Variants in TAF2 observed in about 807,000 individuals in gnomAD.
The protein encoded by TAF2 is transcription initiation factor TFIID subunit 2.
A neutral mutation model predicts 138.5 loss-of-function variants in TAF2; 61 were observed. That is an observed-to-expected ratio of 0.44 (90% CI 0.36 to 0.54). TAF2 has a LOEUF of 0.54. TAF2 is among the 20% of genes least tolerant of loss of function. TAF2 has a pLI of 0.00. For missense variants in TAF2, 1,090 were observed against 1,427.9 expected, an observed-to-expected ratio of 0.76 and a Z score of 3.81; for synonymous variants, 475 against 469.9, an observed-to-expected ratio of 1.01 and a Z score of -0.14.
chr8:119,748,555 A>G (rs1379345724), intron 22 of TAF2, among the ~76,000 whole-genome samples: 3 of 152,120 alleles, frequency 2.0e-5, no homozygotes, highest in Non-Finnish European at 4.4e-5. Flanking sequence ...CAAGAGCTAC[A>G]GACAACCAAG....
intron 23 of TAF2, 33 bp downstream of exon 23, chr8:119,746,672 A>C: frequency 1.2e-6 from 2 of 1,601,310 alleles, no homozygotes; most frequent in Non-Finnish European, 1.7e-6. Flanking sequence ...TATATAATGA[A>C]ACTACGTCTT....
intron 15 of TAF2, 109 bp downstream of exon 15, chr8:119,785,092 T>C: frequency 1.2e-6 from 1 of 810,468 alleles, no homozygotes; most frequent in Non-Finnish European, 2.0e-6. Context: ...AAAATAATGT[T>C]AAAGCACTCA....
intron 22 of TAF2, among the ~76,000 whole-genome samples, chr8:119,747,945 G>A (rs914294412): frequency 5.9e-5 from 9 of 152,114 alleles, no homozygotes; most frequent in Admixed American, 2.6e-4. Context: ...GTAACATGGC[G>A]AAGCCCACTC....
At chr8:119,785,076 TA>T in intron 15 of TAF2, 124 bp downstream of exon 15, 3 of 716,652 alleles carry the variant, frequency 4.2e-6, no homozygotes, top group Non-Finnish European at 7.0e-6. Flanking sequence ...GGGTTTCTAT[TA>T]AATTAAAATA....
intron 17 of TAF2, 90 bp from the exon 18 acceptor site, chr8:119,778,219 C>T: frequency 2.6e-6 from 2 of 768,484 alleles, no homozygotes; most frequent in South Asian, 3.2e-5. Context: ...AAGGGTTACT[C>T]TTGGGCTGAC....
chr8:119,742,075 C>T (rs1819634121), intron 25 of TAF2, among the ~76,000 whole-genome samples: 1 of 152,126 alleles, frequency 6.6e-6, no homozygotes, highest in Non-Finnish European at 1.5e-5. Flanking sequence ...GAGTGAATCA[C>T]CAATTATATA....
In TAF2 at chr8:119,731,659, T is replaced by G. The variant is rs575688933; in HGVS notation, c.*265A>C. 16 of 478,060 alleles carry G rather than the reference T, an allele frequency of 3.3e-5. No homozygotes were observed. In the South Asian group the frequency reaches 3.4e-4, roughly 10 times the overall value. The allele number at this position is 478,060 out of a possible 1,614,324, so 29.6% of individuals were successfully genotyped here. A position where few individuals can be genotyped will look rare whatever the true frequency, so the allele number is the denominator to read the frequency against. ...CTGCCAGTGGATATGAGGGCTTTTA[T>G]GAAAGGGAGTTTGCTCTGTGTGTGT... On this transcript the variant is annotated 3_prime_UTR_variant, in exon 26 of 26. Coordinates refer to ENST00000378164, the MANE Select transcript of TAF2 (RefSeq NM_003184.4).
chr8:119,811,791 G>A (rs1343934112), intron 3 of TAF2, among the ~76,000 whole-genome samples: 1 of 129,636 alleles, frequency 7.7e-6, no homozygotes, highest in Non-Finnish European at 1.6e-5. Flanking sequence ...GGGCGAAAGA[G>A]TGAGACTCCG....
In TAF2 at chr8:119,804,037, A is replaced by G. The variant is rs1354082874; in HGVS notation, c.419-18T>C. The G allele has an allele frequency of 6.2e-7, 1 of 1,613,650 alleles. No homozygotes were observed. The highest frequency in any genetic ancestry group is 1.7e-5 in the Admixed American group (1 of 60,028). The stretch of plus-strand genomic sequence containing the variant: ...CTTTAACTCTGCAACAAATAAACAT[A>G]TACACACATTGATACATAAGTTACA... On this transcript the variant is annotated intron_variant, in intron 4 of 25. Coordinates refer to ENST00000378164, the MANE Select transcript of TAF2 (RefSeq NM_003184.4).
chr8:119,827,754 G>A (rs1280243338), intron 2 of TAF2, among the ~76,000 whole-genome samples: 2 of 112,628 alleles, frequency 1.8e-5, no homozygotes, highest in Admixed American at 9.1e-5. Flanking sequence ...TTTTTTTTTT[G>A]GAGCAGGGGA....
intron 9 of TAF2, among the ~76,000 whole-genome samples, chr8:119,794,126 A>G (rs776522702): frequency 6.6e-6 from 1 of 152,056 alleles, no homozygotes; most frequent in Non-Finnish European, 1.5e-5. Flanking sequence ...AGACGGGCGC[A>G]GTGGCTCACA....
At chr8:119,812,737 G>C (rs1825167042) in intron 3 of TAF2, among the ~76,000 whole-genome samples, 1 of 136,246 alleles carries the variant, frequency 7.3e-6, no homozygotes, top group Admixed American at 7.0e-5. Flanking sequence ...GTGTGTGTGT[G>C]TGTGTGTGTG....
In TAF2 at chr8:119,783,583, A is replaced by C. The variant is rs778027830; in HGVS notation, c.1910T>G (p.Leu637Trp). ...AGCTTGCTCAAATTCTACCTTCCTCAATACTGACATATCTGGGTCTATCCT... is the reference window on the plus strand; with the variant it reads ...AGCTTGCTCAAATTCTACCTTCCTCCATACTGACATATCTGGGTCTATCCT... ...WIRIDPDMSV[L>W]RKVEFEQADF... Residue 637 changes from leucine to tryptophan, a missense_variant, in exon 16 of 26, where the codon TTG becomes TGG. By Grantham distance (61) the Leu-to-Trp change is moderately conservative. This residue lies in a region of TAF2 where 580 missense variants were observed against 719.6 expected (regional missense o/e 0.81). Transcript: ENST00000378164. 1 of 1,614,174 alleles carries C rather than the reference A, an allele frequency of 6.2e-7. No homozygotes were observed. The highest frequency in any genetic ancestry group is 1.1e-5 in the South Asian group (1 of 91,080).
intron 3 of TAF2, among the ~76,000 whole-genome samples, chr8:119,809,683 C>G (rs1329645876): frequency 6.6e-6 from 1 of 152,082 alleles, no homozygotes; most frequent in Non-Finnish European, 1.5e-5. Context: ...TGTGTCTCAG[C>G]AAACAGGGAG....
chr8:119,829,015 AGTG>A (rs1281314299), intron 2 of TAF2, among the ~76,000 whole-genome samples: 102 of 152,344 alleles, frequency 6.7e-4, no homozygotes, highest in African/African-American at 2.4e-3. Flanking sequence ...CAACTCTTTC[AGTG>A]GCTCATAGGA....
chr8:119,832,031 C>A (rs962168935), intron 1 of TAF2, among the ~76,000 whole-genome samples: 3 of 152,038 alleles, frequency 2.0e-5, no homozygotes, highest in African/African-American at 7.2e-5. Flanking sequence ...TCGTGGCACA[C>A]GCCTGTAATC....
chr8:119,786,322 G>A (rs778780706), intron 14 of TAF2, among the ~76,000 whole-genome samples: 2 of 152,144 alleles, frequency 1.3e-5, no homozygotes, highest in Non-Finnish European at 2.9e-5. Context: ...GGCTTTTCAT[G>A]ACATATTCAG....
chr8:119,832,425 A>G, intron 1 of TAF2, 57 bp downstream of exon 1: 1 of 1,565,746 alleles, frequency 6.4e-7, no homozygotes, highest in Middle Eastern at 1.7e-4. Flanking sequence ...GCAATCGCAA[A>G]ATATAATTAA....
intron 2 of TAF2, among the ~76,000 whole-genome samples, chr8:119,826,107 G>A (rs532571870): frequency 2.6e-5 from 4 of 152,066 alleles, no homozygotes; most frequent in South Asian, 2.1e-4. Context: ...ACCAGGGCCC[G>A]TTGCGGGGTG....
Sources: gnomAD v4.1 joint callset for allele counts (sites outside exome capture counted in the v4.1 genomes callset) on GRCh38, gnomAD v4.1.1 for gene constraint, gnomAD v4.1.1 regional missense constraint, MANE v1.5 for transcripts, NCBI Gene and HGNC (gene_info 2026-07-23, HGNC 2026-07-21) for gene names.